Variants in SAMD3 observed in about 807,000 individuals in gnomAD.
The protein encoded by SAMD3 is sterile alpha motif domain containing 3.
In SAMD3, 63 loss-of-function variants were observed where a neutral mutation model predicts 58.5. That is an observed-to-expected ratio of 1.08 (90% CI 0.88 to 1.33). The LOEUF (loss-of-function observed/expected upper bound fraction) is 1.33. SAMD3 is among the 40% of genes most tolerant of loss of function. The pLI is 0.00. For synonymous variants in SAMD3, 220 were observed against 210.3 expected (o/e 1.05, Z -0.40); for missense variants, 604 against 608.4 (o/e 0.99, Z 0.08).
intron 1 of SAMD3, among the ~76,000 whole-genome samples, chr6:130,341,569 G>A (rs1450439863): frequency 6.6e-6 from 1 of 152,172 alleles, no homozygotes; most frequent in Non-Finnish European, 1.5e-5. Context: ...CTCTGAGTCA[G>A]TAAAGTTCAC....
At chr6:130,159,669 C>T (rs1790107588) in intron 8 of SAMD3, 1 of 152,160 alleles carries the variant, frequency 6.6e-6, no homozygotes, top group South Asian at 2.1e-4. Flanking sequence ...GCAACCTTGT[C>T]TTTCCTTGTC....
At chr6:130,282,822 A>T (rs1319170258) in intron 2 of SAMD3, among the ~76,000 whole-genome samples, 9 of 152,230 alleles carry the variant, frequency 5.9e-5, no homozygotes, top group Admixed American at 2.6e-4. Flanking sequence ...AGAGATTGGT[A>T]TAAAAATTGG....
In SAMD3 at chr6:130,199,208, A is replaced by G. The variant is rs1299006008; in HGVS notation, c.383+10287T>C. ...CACCATTGGGAGAGAAAGCAGTGAC[A>G]ACTATGCTGCTTTCCAGGGACTGAA... On this transcript the variant is annotated intron_variant, in intron 5 of 11. Transcript: ENST00000439090. Among the ~76,000 whole-genome samples the G allele has an allele frequency of 2.0e-5, 3 of 152,198 alleles. No individual in the cohort carries two copies. In the South Asian group the frequency reaches 6.2e-4, roughly 32 times the overall value.
At chr6:130,349,206 G>T (rs1583141466) in intron 1 of SAMD3, among the ~76,000 whole-genome samples, 1 of 152,162 alleles carries the variant, frequency 6.6e-6, no homozygotes, top group Non-Finnish European at 1.5e-5. Context: ...AAAGCTATCA[G>T]AAGGCAAGAA....
intron 2 of SAMD3, among the ~76,000 whole-genome samples, chr6:130,310,914 T>C (rs1347514434): frequency 1.3e-5 from 2 of 152,204 alleles, no homozygotes; most frequent in Non-Finnish European, 2.9e-5. Context: ...GATTTTTCAA[T>C]GATTAAAACT....
At chr6:130,359,813 G>T (rs1001873831) in intron 1 of SAMD3, among the ~76,000 whole-genome samples, 1 of 152,224 alleles carries the variant, frequency 6.6e-6, no homozygotes, top group Non-Finnish European at 1.5e-5. Flanking sequence ...TTCCTTAGGT[G>T]TGAAGGAGTG....
upstream of SAMD3, among the ~76,000 whole-genome samples, chr6:130,225,903 A>G (rs1172469021): frequency 6.6e-6 from 1 of 152,098 alleles, no homozygotes; most frequent in African/African-American, 2.4e-5. Context: ...CGCCTAAGGA[A>G]ATTGAGGGGT....
exon 1 of SAMD3, chr6:130,365,383 C>A (rs1369712123): frequency 3.0e-6 from 3 of 985,442 alleles, no homozygotes; most frequent in Admixed American, 6.1e-5. Flanking sequence ...CCTTGCCGGG[C>A]CGGCGGGAAG....
At chr6:130,183,488 G>A in intron 7 of SAMD3, 1 of 416,930 alleles carries the variant, frequency 2.4e-6, no homozygotes, top group Non-Finnish European at 4.6e-6. Flanking sequence ...CACTGGGTCT[G>A]AGAAGGCAAG....
intron 2 of SAMD3, among the ~76,000 whole-genome samples, chr6:130,281,246 A>AGT (rs1562497175): frequency 6.6e-6 from 1 of 152,226 alleles, no homozygotes; most frequent in African/African-American, 2.4e-5. Context: ...ACTACTGGTT[A>AGT]GTGTGATTGA....
chr6:130,219,305 A>AT (rs368148617), intron 1 of SAMD3, among the ~76,000 whole-genome samples: 3,752 of 151,246 alleles, frequency 0.025, 155 homozygotes, highest in African/African-American at 0.084. Context: ...TGAAACAGCC[A>AT]TTTTTTTTAA....
At chr6:130,278,370 C>T (rs965596560) in intron 2 of SAMD3, among the ~76,000 whole-genome samples, 16 of 152,320 alleles carry the variant, frequency 1.1e-4, no homozygotes, top group African/African-American at 3.8e-4. Context: ...CCTGCATAGC[C>T]AGCTCTGTGT....
chr6:130,207,607 A>C (rs1456735517), intron 5 of SAMD3, among the ~76,000 whole-genome samples: 2 of 152,156 alleles, frequency 1.3e-5, no homozygotes, highest in East Asian at 1.9e-4. Context: ...CAATCACGGG[A>C]AAGCTCTAGG....
intron 2 of SAMD3, among the ~76,000 whole-genome samples, chr6:130,297,353 C>T (rs1477351214): frequency 1.3e-5 from 2 of 151,944 alleles, no homozygotes; most frequent in South Asian, 2.1e-4. Flanking sequence ...TTAGTCAGGC[C>T]CTCAAGAGAA....
At chr6:130,279,048 G>GTA (rs1352448783) in intron 2 of SAMD3, among the ~76,000 whole-genome samples, 3 of 152,120 alleles carry the variant, frequency 2.0e-5, no homozygotes, top group African/African-American at 7.2e-5. Context: ...TTAACTTACT[G>GTA]TATGACCTTG....
intron 5 of SAMD3, among the ~76,000 whole-genome samples, chr6:130,204,823 G>A (rs149942694): frequency 1.3e-5 from 2 of 149,862 alleles, no homozygotes; most frequent in African/African-American, 4.9e-5. Flanking sequence ...GTTCATTTCA[G>A]GGAACAGAGG....
At chr6:130,211,760 G>A (rs763512566) in intron 4 of SAMD3, among the ~76,000 whole-genome samples, 2 of 151,888 alleles carry the variant, frequency 1.3e-5, no homozygotes, top group Non-Finnish European at 2.9e-5. Flanking sequence ...AGGACCTCCT[G>A]AAGCTGTGTC....
chr6:130,297,634 A>G (rs769298965), intron 2 of SAMD3, among the ~76,000 whole-genome samples: 13 of 152,212 alleles, frequency 8.5e-5, no homozygotes, highest in Non-Finnish European at 1.6e-4. Flanking sequence ...AATAAGAAGA[A>G]GCCAGAAAAA....
chr6:130,324,488 C>CT (rs1447077271), intron 1 of SAMD3, among the ~76,000 whole-genome samples: 5 of 152,258 alleles, frequency 3.3e-5, no homozygotes, highest in Admixed American at 6.5e-5. Context: ...TTGGAACTAG[C>CT]TTTTTTTACC....
Sources: allele counts gnomAD v4.1 joint callset (sites outside exome capture counted in the v4.1 genomes callset), GRCh38; gene constraint gnomAD v4.1.1; transcripts MANE v1.5; gene names NCBI Gene and HGNC (gene_info 2026-07-23, HGNC 2026-07-21).